RGL1: variants seen among roughly 807,000 people sequenced by gnomAD.
The protein encoded by RGL1 is ral guanine nucleotide dissociation stimulator like 1.
Under a neutral mutation model 95.2 loss-of-function variants are expected in RGL1, and 24 were observed. The observed-to-expected ratio is 0.25, with a 90% CI of 0.18 to 0.35. The LOEUF (loss-of-function observed/expected upper bound fraction) is 0.35. Ranked by LOEUF, RGL1 falls within the 10% of genes least tolerant of loss-of-function variation. RGL1 has a pLI of 1.00. For synonymous variants in RGL1, 329 were observed against 344.9 expected (o/e 0.95, Z 0.51); for missense variants, 715 against 936.3 (o/e 0.76, Z 3.08).
chr1:183,704,402 G>A (rs1654777296), intron 1 of RGL1, among the ~76,000 whole-genome samples: 1 of 152,182 alleles, frequency 6.6e-6, no homozygotes, highest in Non-Finnish European at 1.5e-5. Flanking sequence ...GAGCTTGAGT[G>A]AGGGCAATGA....
chr1:183,778,491 A>G (rs1411417995), intron 2 of RGL1, among the ~76,000 whole-genome samples: 1 of 152,224 alleles, frequency 6.6e-6, no homozygotes, highest in African/African-American at 2.4e-5. Flanking sequence ...AATGATGTTT[A>G]TATATAATCC....
rs563809531 is a variant in RGL1 at position 183,812,473 on chromosome 1, A to G, written c.138+5988A>G. Among the ~76,000 whole-genome samples the G allele has an allele frequency of 3.9e-5, 6 of 152,264 alleles. No homozygotes were observed. The East Asian group carries it at 1.2e-3, about 29-fold the overall frequency. ...TGAGCCTGCTAAACTCTCCTTCCAT[A>G]CCATTCATTTATTCATCAAAAGCCT... is the stretch of plus-strand genomic sequence containing the variant. On this transcript the variant is annotated intron_variant, in intron 2 of 17. Transcript: ENST00000360851.
At chr1:183,681,578 A>C (rs952552066) in intron 1 of RGL1, among the ~76,000 whole-genome samples, 5 of 152,172 alleles carry the variant, frequency 3.3e-5, no homozygotes, top group Non-Finnish European at 5.9e-5. Context: ...TCGGTTTGCC[A>C]GTATTTTATT....
At chr1:183,820,242 T>A (rs1662379158) in intron 2 of RGL1, among the ~76,000 whole-genome samples, 1 of 152,208 alleles carries the variant, frequency 6.6e-6, no homozygotes, top group Admixed American at 6.5e-5. Flanking sequence ...CTATTCCGTT[T>A]GTGATAGGCA....
At chr1:183,708,631 C>G (rs1655069211) in intron 1 of RGL1, among the ~76,000 whole-genome samples, 1 of 152,224 alleles carries the variant, frequency 6.6e-6, no homozygotes, top group Non-Finnish European at 1.5e-5. Flanking sequence ...CCCCCTAAGA[C>G]CAGATGATCA....
At chr1:183,884,013 T>G in intron 6 of RGL1, 103 bp downstream of exon 6, 1 of 1,248,966 alleles carries the variant, frequency 8.0e-7, no homozygotes, top group Admixed American at 1.9e-5. Context: ...ATTTTAAGTC[T>G]TCTTGAATCC....
intron 1 of RGL1, chr1:183,646,724 A>G (rs1650318221): frequency 6.6e-6 from 1 of 152,258 alleles, no homozygotes; most frequent in African/African-American, 2.4e-5. Context: ...GCTAACAAAA[A>G]GAAAAAACAT....
chr1:183,844,369 T>C (rs12137911), intron 2 of RGL1, among the ~76,000 whole-genome samples: 55,031 of 152,114 alleles, frequency 0.36, 11,131 homozygotes, highest in Non-Finnish European at 0.46. Context: ...TACAGTAATT[T>C]AATAAGCCAA....
intron 4 of RGL1, among the ~76,000 whole-genome samples, chr1:183,877,513 C>T (rs1420692581): frequency 1.3e-5 from 2 of 152,202 alleles, no homozygotes; most frequent in Non-Finnish European, 2.9e-5. Context: ...GAGCCTTGGG[C>T]ATGTGTCCAG....
intron 2 of RGL1, among the ~76,000 whole-genome samples, chr1:183,786,643 A>G (rs988305824): frequency 2.0e-5 from 3 of 152,194 alleles, no homozygotes; most frequent in Admixed American, 6.5e-5. Flanking sequence ...GAGTATGAAG[A>G]ACTAATGCAA....
chr1:183,903,234 C>G (rs568186884), intron 12 of RGL1, among the ~76,000 whole-genome samples: 3 of 152,248 alleles, frequency 2.0e-5, no homozygotes, highest in South Asian at 2.1e-4. Flanking sequence ...AGATGGTAAA[C>G]TCTCGTGGGT....
intron 11 of RGL1, among the ~76,000 whole-genome samples, chr1:183,901,689 C>A (rs1159193433): frequency 6.6e-6 from 1 of 151,920 alleles, no homozygotes; most frequent in Non-Finnish European, 1.5e-5. Context: ...GTCCCTCTTT[C>A]TCTCTGTTCC....
intron 1 of RGL1, among the ~76,000 whole-genome samples, chr1:183,702,232 A>G (rs1654638520): frequency 1.3e-5 from 2 of 151,994 alleles, no homozygotes; most frequent in Non-Finnish European, 2.9e-5. Flanking sequence ...CCTAGTGAAC[A>G]GTTTTTTTTT....
intron 2 of RGL1, among the ~76,000 whole-genome samples, chr1:183,763,393 A>AT (rs1658808126): frequency 6.6e-6 from 1 of 152,178 alleles, no homozygotes; most frequent in Admixed American, 6.5e-5. Flanking sequence ...ATATATATAT[A>AT]AAAAAACACA....
chr1:183,687,564 G>A (rs1423857410), intron 1 of RGL1, among the ~76,000 whole-genome samples: 2 of 152,112 alleles, frequency 1.3e-5, no homozygotes, highest in Non-Finnish European at 2.9e-5. Flanking sequence ...CTTTTTGGGA[G>A]ATTTTCTGTG....
chr1:183,660,533 T>C (rs960859752), intron 1 of RGL1, among the ~76,000 whole-genome samples: 3 of 151,336 alleles, frequency 2.0e-5, no homozygotes, highest in Non-Finnish European at 4.4e-5. Flanking sequence ...ATACACCCAA[T>C]ACAGGACCAC....
Position 183,884,933 on chromosome 1 carries a change from G to A in RGL1, c.946G>A (p.Ala316Thr), listed in dbSNP as rs78436705. 5.3e-5 allele frequency: 85 copies of A among 1,612,774 alleles called. No homozygotes were observed. In the East Asian group the frequency reaches 1.6e-3, roughly 30 times the overall value. ...AATCATTGAGAAGTGGATCAACATC[G>A]CTCATGTAATTGTCTTTTATAAAAT... ...AKIIEKWINI[A>T]HECRLLKNFS... Residue 316 changes from alanine (A) to threonine (T), a missense_variant, in exon 7 of 18, where the codon GCT becomes ACT. Physicochemically the swap from Ala to Thr is moderately conservative, Grantham distance 58. Coordinates refer to ENST00000360851, the MANE Select transcript of RGL1 (RefSeq NM_001297671.3).
At chr1:183,897,594 T>A (rs1379013324) in intron 9 of RGL1, among the ~76,000 whole-genome samples, 1 of 150,686 alleles carries the variant, frequency 6.6e-6, no homozygotes, top group Non-Finnish European at 1.5e-5. Context: ...AAAATCCAAG[T>A]CCACCAGCCT....
At chr1:183,748,002 C>T (rs899187164) in intron 2 of RGL1, among the ~76,000 whole-genome samples, 2 of 152,124 alleles carry the variant, frequency 1.3e-5, no homozygotes, top group Non-Finnish European at 2.9e-5. Flanking sequence ...ATTACTGCCT[C>T]AATTTCAGAA....
Sources: gnomAD v4.1 joint callset for allele counts (sites outside exome capture counted in the v4.1 genomes callset) on GRCh38, gnomAD v4.1.1 for gene constraint, MANE v1.5 for transcripts, NCBI Gene and HGNC (gene_info 2026-07-23, HGNC 2026-07-21) for gene names.